The following RALGAPA2 variants were observed in gnomAD, a reference collection of about 807,000 sequenced individuals.
RALGAPA2 encodes Ral GTPase activating protein catalytic subunit alpha 2, also known as ral GTPase-activating protein subunit alpha-2.
Under a neutral mutation model 230.4 loss-of-function variants are expected in RALGAPA2, and 139 were observed. The observed-to-expected ratio is 0.60, with a 90% CI of 0.53 to 0.69. The LOEUF (loss-of-function observed/expected upper bound fraction) is 0.69, where lower values mean the gene tolerates loss of function less well. RALGAPA2 is among the 30% of genes least tolerant of loss of function. RALGAPA2 has a pLI of 0.00. For synonymous variants in RALGAPA2, 847 were observed against 837.8 expected, an observed-to-expected ratio of 1.01 and a Z score of -0.19; for missense variants, 2,163 against 2,276.0, an observed-to-expected ratio of 0.95 and a Z score of 1.01.
intron 20 of RALGAPA2, 26 bp from the exon 21 acceptor site, chr20:20,573,094 C>A (rs758016054): frequency 6.5e-7 from 1 of 1,539,252 alleles, no homozygotes; most frequent in South Asian, 1.2e-5. Flanking sequence ...TGTCTGTTAA[C>A]CCTGTAAACA....
At chr20:20,529,472 G>A (rs759396813) in intron 27 of RALGAPA2, among the ~76,000 whole-genome samples, 26 of 152,082 alleles carry the variant, frequency 1.7e-4, no homozygotes, top group Non-Finnish European at 3.4e-4. Context: ...ATACTATATA[G>A]AAATATATAT....
intron 35 of RALGAPA2, among the ~76,000 whole-genome samples, chr20:20,499,574 T>G (rs1403847321): frequency 6.6e-6 from 1 of 152,168 alleles, no homozygotes; most frequent in East Asian, 1.9e-4. Context: ...TTCCCTTTGC[T>G]GAGAGCTCTA....
At chr20:20,708,732 T>C (rs1261008570) in intron 1 of RALGAPA2, among the ~76,000 whole-genome samples, 1 of 152,216 alleles carries the variant, frequency 6.6e-6, no homozygotes, top group Non-Finnish European at 1.5e-5. Flanking sequence ...ATTATCTCTT[T>C]TGTTCTCTGA....
chr20:20,503,579 T>C, intron 34 of RALGAPA2, 73 bp from the exon 35 acceptor site: 1 of 1,181,992 alleles, frequency 8.5e-7, no homozygotes, highest in Non-Finnish European at 1.1e-6. Context: ...GGACTGTGAA[T>C]TCAGAAAAAA....
intron 36 of RALGAPA2, among the ~76,000 whole-genome samples, chr20:20,475,726 T>A (rs1602482672): frequency 2.0e-5 from 3 of 151,998 alleles, no homozygotes; most frequent in Admixed American, 2.0e-4. Flanking sequence ...TTTTTGAAGA[T>A]CCTAGTCACT....
intron 37 of RALGAPA2, among the ~76,000 whole-genome samples, chr20:20,444,740 A>G (rs1187076281): frequency 1.3e-5 from 2 of 152,180 alleles, no homozygotes; most frequent in African/African-American, 4.8e-5. Context: ...AACACTTGGT[A>G]TTTTTCACAT....
rs1258012335 is a variant in RALGAPA2 at position 20,513,069 on chromosome 20, T to C, written c.4300A>G (p.Ser1434Gly). 1 of 1,608,812 alleles carries C rather than the reference T, an allele frequency of 6.2e-7. No homozygotes were observed. Among genetic ancestry groups the C allele is most frequent in the Non-Finnish European group, 8.5e-7 (1 of 1,177,884 alleles). ...GTCTGAAGGTAGGAGATGAGGGTGC[T>C]ATCATTAAATACAAACAGCTGCAGG... The part of the protein sequence containing the change: ...PNLQLFVFND[S>G]TLISYLQTPT... The change falls in exon 32 of 40, where the codon AGC becomes GGC. Residue 1434 changes from serine (S) to glycine (G), a missense_variant. Transcript: ENST00000202677.
intron 31 of RALGAPA2, among the ~76,000 whole-genome samples, chr20:20,518,564 T>C (rs1342129626): frequency 6.6e-6 from 1 of 152,222 alleles, no homozygotes; most frequent in Non-Finnish European, 1.5e-5. Context: ...GCTTAGTTAA[T>C]ATGTCAGTGA....
At chr20:20,558,166 G>A (rs577848854) in intron 23 of RALGAPA2, among the ~76,000 whole-genome samples, 5 of 152,172 alleles carry the variant, frequency 3.3e-5, no homozygotes, top group South Asian at 2.1e-4. Flanking sequence ...CACTACGCCC[G>A]GCTAATTTTC....
chr20:20,529,168 T>A (rs1193377648), intron 27 of RALGAPA2, among the ~76,000 whole-genome samples: 1 of 152,164 alleles, frequency 6.6e-6, no homozygotes, highest in Non-Finnish European at 1.5e-5. Context: ...TTATTAATAA[T>A]GGTTAAAGAC....
At chr20:20,663,832 T>C (rs1378425058) in intron 3 of RALGAPA2, among the ~76,000 whole-genome samples, 2 of 152,150 alleles carry the variant, frequency 1.3e-5, no homozygotes, top group Non-Finnish European at 2.9e-5. Context: ...CCTCAAGCAA[T>C]CCACCTGCCT....
At chr20:20,509,484 A>C (rs966410597) in intron 33 of RALGAPA2, among the ~76,000 whole-genome samples, 1 of 152,194 alleles carries the variant, frequency 6.6e-6, no homozygotes, top group Non-Finnish European at 1.5e-5. Flanking sequence ...TGATACTGAA[A>C]TATTTATCAC....
intron 7 of RALGAPA2, among the ~76,000 whole-genome samples, chr20:20,639,348 T>G (rs1460324944): frequency 6.6e-6 from 1 of 152,206 alleles, no homozygotes; most frequent in African/African-American, 2.4e-5. Flanking sequence ...ACCAGTTACT[T>G]CAGTTCTGTA....
At chr20:20,551,490 T>C (rs1331580410) in intron 23 of RALGAPA2, among the ~76,000 whole-genome samples, 2 of 152,212 alleles carry the variant, frequency 1.3e-5, no homozygotes, top group African/African-American at 4.8e-5. Context: ...ACTAAGATGA[T>C]AATTGTGAAT....
At chr20:20,413,807 G>T (rs2060112244) in intron 37 of RALGAPA2, among the ~76,000 whole-genome samples, 1 of 152,226 alleles carries the variant, frequency 6.6e-6, no homozygotes, top group Non-Finnish European at 1.5e-5. Context: ...ACCGCCCAAG[G>T]CCTGGGCAGC....
At chr20:20,553,349 C>G (rs764672169) in intron 23 of RALGAPA2, among the ~76,000 whole-genome samples, 1 of 152,012 alleles carries the variant, frequency 6.6e-6, no homozygotes, top group Non-Finnish European at 1.5e-5. Context: ...CCCAGGAGTT[C>G]AAAACCAGCC....
intron 16 of RALGAPA2, among the ~76,000 whole-genome samples, chr20:20,595,561 C>T (rs564547421): frequency 2.0e-5 from 3 of 152,246 alleles, no homozygotes; most frequent in Non-Finnish European, 1.5e-5. Flanking sequence ...ATTGTTGATC[C>T]TCTCATTACT....
chr20:20,681,714 G>A (rs2068527556), intron 1 of RALGAPA2, among the ~76,000 whole-genome samples: 2 of 152,188 alleles, frequency 1.3e-5, no homozygotes, highest in South Asian at 4.1e-4. Flanking sequence ...TCTGGAGCCA[G>A]GCATTGTAGC....
intron 37 of RALGAPA2, among the ~76,000 whole-genome samples, chr20:20,413,180 A>G (rs1967856413): frequency 6.6e-6 from 1 of 152,228 alleles, no homozygotes; most frequent in Admixed American, 6.5e-5. Context: ...CCATCAGTTT[A>G]TTATTGGCAG....
Sources: gnomAD v4.1 joint callset for allele counts (sites outside exome capture counted in the v4.1 genomes callset) on GRCh38, gnomAD v4.1.1 for gene constraint, MANE v1.5 for transcripts, NCBI Gene and HGNC (gene_info 2026-07-23, HGNC 2026-07-21) for gene names.